MARCHF3: variants seen among roughly 807,000 people sequenced by gnomAD.
The protein encoded by MARCHF3 is E3 ubiquitin-protein ligase MARCHF3.
Under a neutral mutation model 24.2 loss-of-function variants are expected in MARCHF3, and 13 were observed. That is an observed-to-expected ratio of 0.54 (90% CI 0.35 to 0.85). MARCHF3 has a LOEUF of 0.85. Among genes scored for constraint, MARCHF3 ranks in the 40% least tolerant of loss-of-function variants. MARCHF3 has a pLI of 0.01. For synonymous variants in MARCHF3, 144 were observed against 137.3 expected, an observed-to-expected ratio of 1.05 and a Z score of -0.34; for missense variants, 276 against 325.0, an observed-to-expected ratio of 0.85 and a Z score of 1.16.
intron 1 of MARCHF3, among the ~76,000 whole-genome samples, chr5:126,970,248 T>C (rs1750960771): frequency 6.6e-6 from 1 of 151,990 alleles, no homozygotes. Flanking sequence ...CCACCACACC[T>C]GGCTAACTTT....
intron 3 of MARCHF3, 37 bp downstream of exon 3, chr5:126,914,893 T>C (rs1754668559): frequency 1.9e-6 from 3 of 1,608,542 alleles, no homozygotes; most frequent in East Asian, 4.5e-5. Flanking sequence ...ATTTGCTCAT[T>C]AGAGCTAAGT....
At chr5:126,874,991 C>T (rs1487765137) in intron 4 of MARCHF3, among the ~76,000 whole-genome samples, 1 of 152,138 alleles carries the variant, frequency 6.6e-6, no homozygotes, top group African/African-American at 2.4e-5. Flanking sequence ...CTGTGCTGGA[C>T]ACTGGTTGCA....
chr5:127,015,678 A>T lies in MARCHF3; in HGVS notation c.-57+14672T>A, dbSNP rs150533818. On this transcript the variant is annotated intron_variant, in intron 1 of 4. Coordinates refer to ENST00000308660, the MANE Select transcript of MARCHF3 (RefSeq NM_178450.5). The stretch of plus-strand genomic sequence containing the variant: ...ACTTGTACCTTCATGATTACCTAGA[A>T]TCACTAAGAACATAGTTCTAAGAAT... 6.8e-4 allele frequency among the ~76,000 whole-genome samples: 104 copies of T among 152,350 alleles called. 3 individuals are homozygous for T. In the East Asian group the frequency reaches 0.019, roughly 28 times the overall value.
At chr5:126,979,863 G>T (rs957660769) in intron 1 of MARCHF3, among the ~76,000 whole-genome samples, 1 of 148,328 alleles carries the variant, frequency 6.7e-6, no homozygotes, top group Non-Finnish European at 1.5e-5. Context: ...CAGGAGAACC[G>T]CTTGAACCCG....
chr5:126,936,149 G>A (rs964709066), intron 1 of MARCHF3, among the ~76,000 whole-genome samples: 7 of 152,076 alleles, frequency 4.6e-5, no homozygotes, highest in Non-Finnish European at 8.8e-5. Flanking sequence ...TCACACCTCC[G>A]GAAGAACAGT....
chr5:126,999,979 T>C lies in MARCHF3; in HGVS notation c.-57+30371A>G, dbSNP rs148889870. On this transcript the variant is annotated intron_variant, in intron 1 of 4. Transcript: ENST00000308660. Reference sequence around the variant, plus strand: ...ACTTAAGGTTATTAATATTAGAATATATATTACATAGAATATATATTATTC... The same window carrying C: ...ACTTAAGGTTATTAATATTAGAATACATATTACATAGAATATATATTATTC... Among the ~76,000 whole-genome samples the C allele has an allele frequency of 3.0e-3, 447 of 149,964 alleles. 3 individuals carry two copies. The highest frequency in any genetic ancestry group is 4.7e-3 in the Non-Finnish European group (316 of 67,592).
At chr5:126,878,529 C>T in intron 3 of MARCHF3, 135 bp from the exon 4 acceptor site, 2 of 755,318 alleles carry the variant, frequency 2.6e-6, no homozygotes. Context: ...TATGAGATAA[C>T]AAGGAAGTGT....
chr5:127,014,378 A>G (rs1055988309), intron 1 of MARCHF3, among the ~76,000 whole-genome samples: 2 of 152,210 alleles, frequency 1.3e-5, no homozygotes, highest in African/African-American at 2.4e-5. Flanking sequence ...TAGTACAGCC[A>G]TTATCAACAG....
At chr5:127,015,602 C>G (rs2126860168) in intron 1 of MARCHF3, among the ~76,000 whole-genome samples, 2 of 152,322 alleles carry the variant, frequency 1.3e-5, no homozygotes. Flanking sequence ...CATTCTGCTT[C>G]ATTTCTGTCA....
chr5:126,890,387 C>T (rs1340147128), intron 3 of MARCHF3, among the ~76,000 whole-genome samples: 4 of 150,562 alleles, frequency 2.7e-5, no homozygotes, highest in Non-Finnish European at 4.4e-5. Flanking sequence ...ACTGCACCCA[C>T]TAACTCGTCA....
chr5:126,902,527 T>C (rs922229798), intron 3 of MARCHF3, among the ~76,000 whole-genome samples: 15 of 152,068 alleles, frequency 9.9e-5, no homozygotes, highest in Non-Finnish European at 7.3e-5. Flanking sequence ...GAATTCTTTT[T>C]ATACACAGAA....
intron 3 of MARCHF3, among the ~76,000 whole-genome samples, chr5:126,909,973 A>G (rs952077642): frequency 7.9e-5 from 12 of 152,200 alleles, no homozygotes; most frequent in African/African-American, 2.9e-4. Flanking sequence ...CTCAGTTTCA[A>G]TTTAGCTAAA....
At chr5:127,001,524 A>G (rs1037884915) in intron 1 of MARCHF3, among the ~76,000 whole-genome samples, 25 of 152,192 alleles carry the variant, frequency 1.6e-4, no homozygotes, top group Non-Finnish European at 7.3e-5. Context: ...GTGTGCACTT[A>G]GTTGCTCAAG....
intron 1 of MARCHF3, among the ~76,000 whole-genome samples, chr5:126,945,458 G>A (rs1749979096): frequency 6.6e-6 from 1 of 152,240 alleles, no homozygotes; most frequent in Admixed American, 6.5e-5. Context: ...GTTAAGCTGA[G>A]ACTAAATAAT....
Position 127,017,113 on chromosome 5 carries a change from A to G in MARCHF3, c.-57+13237T>C, listed in dbSNP as rs536609317. Among the ~76,000 whole-genome samples the G allele has an allele frequency of 9.9e-5, 15 of 152,182 alleles. No individual in the cohort carries two copies. The South Asian group carries it at 3.1e-3, about 32-fold the overall frequency. On this transcript the variant is annotated intron_variant, in intron 1 of 4. Coordinates refer to ENST00000308660, the MANE Select transcript of MARCHF3 (RefSeq NM_178450.5). ...GGAACATCACGCACTGGGGCCTGTC[A>G]GGTGGTGGGGGGCTGGGGAGGGATA...
At chr5:126,960,643 A>G (rs1750609894) in intron 1 of MARCHF3, among the ~76,000 whole-genome samples, 1 of 152,122 alleles carries the variant, frequency 6.6e-6, no homozygotes, top group African/African-American at 2.4e-5. Flanking sequence ...AACATTAGAC[A>G]ATGACCTCCT....
At chr5:127,023,229 A>T (rs1752869485) in intron 1 of MARCHF3, among the ~76,000 whole-genome samples, 1 of 152,176 alleles carries the variant, frequency 6.6e-6, no homozygotes, top group Non-Finnish European at 1.5e-5. Flanking sequence ...CACCAATATA[A>T]GTCCCCTATT....
At chr5:126,892,933 T>C (rs1323699313) in intron 3 of MARCHF3, among the ~76,000 whole-genome samples, 2 of 151,766 alleles carry the variant, frequency 1.3e-5, no homozygotes, top group Non-Finnish European at 2.9e-5. Context: ...CTCTTTTTCG[T>C]TGGTAAGCTA....
chr5:126,974,451 A>G (rs1424923829), intron 1 of MARCHF3, among the ~76,000 whole-genome samples: 3 of 152,220 alleles, frequency 2.0e-5, no homozygotes, highest in African/African-American at 4.8e-5. Flanking sequence ...CTTCTCCTCC[A>G]TATTTTTCAC....
Sources: gnomAD v4.1 joint callset for allele counts (sites outside exome capture counted in the v4.1 genomes callset) on GRCh38, gnomAD v4.1.1 for gene constraint, MANE v1.5 for transcripts, NCBI Gene and HGNC (gene_info 2026-07-23, HGNC 2026-07-21) for gene names.